SLC17A1: variants seen among roughly 807,000 people sequenced by gnomAD.
SLC17A1 encodes the protein solute carrier family 17 member 1, also known as sodium-dependent phosphate transport protein 1.
SLC17A1 carries 51 observed loss-of-function variants against 53.5 expected under a neutral mutation model. The observed-to-expected ratio is 0.95, with a 90% CI of 0.76 to 1.20. The LOEUF is 1.20. SLC17A1 is among the 50% of genes most tolerant of loss of function. The probability of loss-of-function intolerance (pLI) is 0.00; values close to 1 mark genes in which losing one functional copy is unlikely to be tolerated. For synonymous variants in SLC17A1, 179 were observed against 198.8 expected (o/e 0.90, Z 0.84); for missense variants, 538 against 568.2 (o/e 0.95, Z 0.54).
chr6:25,770,375 T>C, the SLC17A1 span: 372 of 1,614,022 alleles, frequency 2.3e-4, 2 homozygotes, highest in Admixed American at 4.7e-3. Context: ...ATGGAATTTT[T>C]CCCCCCAGGT....
the SLC17A1 span, among the ~76,000 whole-genome samples, chr6:25,752,416 G>A: frequency 1.3e-5 from 2 of 152,200 alleles, no homozygotes; most frequent in Non-Finnish European, 2.9e-5. Context: ...TGTGAGACTG[G>A]AAGTTACTCT....
chr6:25,731,717 G>A, the SLC17A1 span: 1 of 1,134,846 alleles, frequency 8.8e-7, no homozygotes, highest in Non-Finnish European at 1.2e-6. Context: ...AGCCCTATTA[G>A]AAACTTTCAT....
chr6:25,772,995 A>C, the SLC17A1 span, among the ~76,000 whole-genome samples: 1 of 152,242 alleles, frequency 6.6e-6, no homozygotes, highest in Non-Finnish European at 1.5e-5. Flanking sequence ...GTCTTCCAAT[A>C]GCAGTGGGCA....
the SLC17A1 span, among the ~76,000 whole-genome samples, chr6:25,756,937 C>T: frequency 6.6e-6 from 1 of 152,128 alleles, no homozygotes; most frequent in African/African-American, 2.4e-5. Flanking sequence ...TTTTTCAATT[C>T]AACTAATTGC....
At chr6:25,770,649 G>A in the SLC17A1 span, among the ~76,000 whole-genome samples, 3 of 152,154 alleles carry the variant, frequency 2.0e-5, no homozygotes, top group Admixed American at 2.0e-4. Context: ...CTTACTATGT[G>A]CCAAACATTC....
chr6:25,755,887 C>T, the SLC17A1 span, among the ~76,000 whole-genome samples: 4 of 152,166 alleles, frequency 2.6e-5, no homozygotes, highest in Non-Finnish European at 5.9e-5. Context: ...TTGCTCAAGC[C>T]GTAAGTCTAG....
chr6:25,796,439 G>A (rs183328973), intron 12 of SLC17A1, among the ~76,000 whole-genome samples: 1 of 151,820 alleles, frequency 6.6e-6, no homozygotes, highest in East Asian at 1.9e-4. Context: ...TTTGAGTGAC[G>A]CTATCAATTT....
downstream of SLC17A1, chr6:25,780,548 G>T (rs2151468951): frequency 6.6e-6 from 1 of 152,396 alleles, no homozygotes; most frequent in East Asian, 1.9e-4. Flanking sequence ...TATGGCCAGA[G>T]TATAGAGAAT....
chr6:25,770,803 G>A, the SLC17A1 span: 1 of 754,672 alleles, frequency 1.3e-6, no homozygotes, highest in East Asian at 2.5e-5. Context: ...CCAAGTGAAG[G>A]AACCTAGATA....
At chr6:25,725,912 T>G in the SLC17A1 span, among the ~76,000 whole-genome samples, 1 of 152,096 alleles carries the variant, frequency 6.6e-6, no homozygotes, top group African/African-American at 2.4e-5. Context: ...TAACCAAAAT[T>G]ACCTCAAACT....
At chr6:25,782,787 G>A (rs1763294079), downstream of SLC17A1, 2 of 152,086 alleles carry the variant, frequency 1.3e-5, no homozygotes, top group African/African-American at 4.8e-5. Flanking sequence ...GACTTGTGCT[G>A]TTTCCTTTAA....
At chr6:25,754,509 G>A in the SLC17A1 span, among the ~76,000 whole-genome samples, 2 of 152,114 alleles carry the variant, frequency 1.3e-5, no homozygotes, top group African/African-American at 4.8e-5. Flanking sequence ...TTATAAGAAG[G>A]GACATTGATT....
At chr6:25,820,020 C>G (rs1230609242) in intron 3 of SLC17A1, 105 bp from the exon 4 acceptor site, 1 of 693,608 alleles carries the variant, frequency 1.4e-6, no homozygotes, top group Non-Finnish European at 2.5e-6. Context: ...TGGAAAGTAG[C>G]TCCCCTCTTA....
At chr6:25,772,238 G>A in the SLC17A1 span, among the ~76,000 whole-genome samples, 7 of 152,096 alleles carry the variant, frequency 4.6e-5, no homozygotes, top group African/African-American at 1.7e-4. Flanking sequence ...AAACAGTAAG[G>A]AGCATATACG....
At chr6:25,788,913 T>G (rs2151474661) in intron 12 of SLC17A1, among the ~76,000 whole-genome samples, 2 of 152,296 alleles carry the variant, frequency 1.3e-5, no homozygotes, top group Non-Finnish European at 2.9e-5. Context: ...GAAGAAACTT[T>G]GTATTGGACT....
chr6:25,786,652 A>G (rs1180709995), intron 12 of SLC17A1, among the ~76,000 whole-genome samples: 4 of 152,124 alleles, frequency 2.6e-5, no homozygotes, highest in Non-Finnish European at 5.9e-5. Flanking sequence ...TTATGCATGA[A>G]GAAAAGGGTC....
chr6:25,812,383 T>C (rs974768143), intron 8 of SLC17A1, among the ~76,000 whole-genome samples: 2 of 152,188 alleles, frequency 1.3e-5, no homozygotes, highest in African/African-American at 4.8e-5. Flanking sequence ...GCAATGGGTA[T>C]GCCAGTCCTT....
At chr6:25,761,804 T>TTCA in the SLC17A1 span, 1 of 586,184 alleles carries the variant, frequency 1.7e-6, no homozygotes, top group Non-Finnish European at 2.9e-6. Context: ...CAAGTTAGTT[T>TTCA]TCATAAACCC....
chr6:25,732,188 A>C, the SLC17A1 span: 1 of 382,746 alleles, frequency 2.6e-6, no homozygotes, highest in Non-Finnish European at 4.8e-6. Flanking sequence ...TCACAGGGAG[A>C]TCACTAACTG....
Sources: gnomAD v4.1 joint callset for allele counts (sites outside exome capture counted in the v4.1 genomes callset) on GRCh38, gnomAD v4.1.1 for gene constraint, MANE v1.5 for transcripts, NCBI Gene and HGNC (gene_info 2026-07-23, HGNC 2026-07-21) for gene names.